Variants in MSANTD2 observed in about 807,000 individuals in gnomAD.
The protein encoded by MSANTD2 is Myb/SANT DNA binding domain containing 2.
In MSANTD2, 19 loss-of-function variants were observed where a neutral mutation model predicts 52.6. The ratio of observed to expected loss-of-function variants is 0.36; its 90% CI spans 0.25 to 0.53. The LOEUF (loss-of-function observed/expected upper bound fraction) is 0.53, where lower values mean the gene tolerates loss of function less well. Among genes scored for constraint, MSANTD2 ranks in the 20% least tolerant of loss-of-function variants. MSANTD2 has a pLI of 0.91. For synonymous variants in MSANTD2, 291 were observed against 289.7 expected (o/e 1.00, Z -0.04); for missense variants, 558 against 716.3 (o/e 0.78, Z 2.52).
intron 3 of MSANTD2, among the ~76,000 whole-genome samples, chr11:124,770,301 T>A (rs556789892): frequency 6.2e-4 from 87 of 139,230 alleles, no homozygotes; most frequent in African/African-American, 2.5e-3. Flanking sequence ...TAACTCTTTT[T>A]TTTTGTTTGT....
intron 1 of MSANTD2, among the ~76,000 whole-genome samples, chr11:124,799,497 TGCCTGGGAGCCCCTCC>T (rs1368418627): frequency 6.6e-6 from 1 of 152,140 alleles, no homozygotes; most frequent in Non-Finnish European, 1.5e-5. Context: ...GGTAAGCCTC[TGCCTGGGAGCCCCTCC>T]GCCTGGAACA....
chr11:124,771,608 A>G (rs1944524571), intron 3 of MSANTD2, among the ~76,000 whole-genome samples: 1 of 152,178 alleles, frequency 6.6e-6, no homozygotes, highest in Non-Finnish European at 1.5e-5. Flanking sequence ...CATCTCTACT[A>G]AAAATACGAA....
At chr11:124,784,291 A>G (rs932091794) in intron 1 of MSANTD2, 14 of 985,196 alleles carry the variant, frequency 1.4e-5, no homozygotes, top group Non-Finnish European at 1.6e-5. Flanking sequence ...ACCTTGGGGG[A>G]CTACATCAAA....
At chr11:124,796,043 A>G (rs1422136806) in intron 1 of MSANTD2, among the ~76,000 whole-genome samples, 1 of 152,238 alleles carries the variant, frequency 6.6e-6, no homozygotes, top group African/African-American at 2.4e-5. Context: ...GCAGCAATAA[A>G]CAAATTTTCA....
At chr11:124,778,078 G>A (rs550659315) in intron 1 of MSANTD2, among the ~76,000 whole-genome samples, 2 of 152,236 alleles carry the variant, frequency 1.3e-5, no homozygotes, top group South Asian at 4.1e-4. Flanking sequence ...ATTAGCCAAA[G>A]CATGGAATTA....
Position 124,800,186 on chromosome 11 carries a change from A to G in MSANTD2, c.195T>C (p.Gly65=), listed in dbSNP as rs975886083. ...AAGSGAAASG[G]LGLGLGGRSA... is the part of the protein sequence containing the mutation. ...TGCGGCCCCCCAGCCCCAGCCCGAG[A>G]CCCCCGGACGCCGCTGCCCCCGAGC... The change falls in exon 1 of 4, where the codon GGT becomes GGC. Residue 65 remains glycine, a synonymous_variant. Transcript: ENST00000374979. The surrounding 1 kb of genome is among the most constrained non-coding windows in gnomAD (Gnocchi z 4.3). 1.4e-6 allele frequency: 2 copies of G among 1,462,610 alleles called. No individual in the cohort carries two copies. Among genetic ancestry groups the G allele is most frequent in the Non-Finnish European group, 1.8e-6 (2 of 1,111,648 alleles). The allele number at this position is 1,462,610 out of a possible 1,614,324, so 90.6% of individuals were successfully genotyped here.
Position 124,800,106 on chromosome 11 carries a change from G to A in MSANTD2, c.275C>T (p.Ala92Val), listed in dbSNP as rs1273920390. ...CCGGCAGGCGGCGGCGGCGGCTGCC[G>A]CAGCCCCGCCACCGCCGCCACCAGG... ...FSPGGGGGGA[A>V]AAAAAACRGM... Residue 92 changes from alanine to valine, a missense_variant, in exon 1 of 4, where the codon GCG (alanine) becomes GTG (valine). Around this residue, in one of 2 missense-constraint regions of MSANTD2, gnomAD observed 150 missense variants for 142.7 expected, o/e 1.05. Transcript: ENST00000374979. The surrounding 1 kb of genome is among the most constrained non-coding windows in gnomAD (Gnocchi z 4.3). 3.4e-6 allele frequency: 5 copies of A among 1,482,208 alleles called. No individual in the cohort carries two copies. The highest frequency in any genetic ancestry group is 4.8e-5 in the Admixed American group (2 of 41,670). The allele number at this position is 1,482,208 out of a possible 1,614,324, so 91.8% of individuals were successfully genotyped here.
intron 1 of MSANTD2, chr11:124,776,202 T>G (rs887028352): frequency 6.6e-6 from 1 of 152,266 alleles, no homozygotes; most frequent in Non-Finnish European, 1.5e-5. Flanking sequence ...ATCCTAAACG[T>G]GAGATTGCTC....
At chr11:124,778,591 C>A (rs7937766) in intron 1 of MSANTD2, among the ~76,000 whole-genome samples, 1 of 151,950 alleles carries the variant, frequency 6.6e-6, no homozygotes, top group Non-Finnish European at 1.5e-5. Flanking sequence ...GATCGGTGGT[C>A]AACCCAGAGG....
chr11:124,794,663 G>C (rs150044582), intron 1 of MSANTD2, among the ~76,000 whole-genome samples: 1 of 152,126 alleles, frequency 6.6e-6, no homozygotes, highest in African/African-American at 2.4e-5. Context: ...AGAGCTTTTT[G>C]CTCCAAGTTA....
At chr11:124,786,911 G>T (rs1414365541) in intron 1 of MSANTD2, among the ~76,000 whole-genome samples, 3 of 152,204 alleles carry the variant, frequency 2.0e-5, no homozygotes, top group Non-Finnish European at 2.9e-5. Context: ...GGTGATATAA[G>T]CAAGTGGTTA....
chr11:124,793,551 A>C (rs910064357), intron 1 of MSANTD2, among the ~76,000 whole-genome samples: 3 of 152,346 alleles, frequency 2.0e-5, no homozygotes, highest in Admixed American at 2.0e-4. Context: ...GTGACTATTT[A>C]AATGTAAATT....
rs1295015294 is a variant in MSANTD2, at chr11:124,768,023, C to T, written c.833G>A (p.Arg278Lys). The T allele has an allele frequency of 1.9e-6, 3 of 1,597,776 alleles. No homozygotes were observed. Among genetic ancestry groups the T allele is most frequent in the Non-Finnish European group, 2.6e-6 (3 of 1,168,958 alleles). Reference protein sequence around the residue: ...KQESSEEAQKRDIMQNIVQIL... With the variant: ...KQESSEEAQKKDIMQNIVQIL... ...CTGTACAATATTCTGCATGATGTCT[C>T]TCTTCCTGGAAAGACAAATAAAAGT... Residue 278 changes from arginine (R) to lysine (K), a missense_variant, in exon 4 of 4, where the codon AGA (arginine) becomes AAA (lysine). Transcript: ENST00000374979.
intron 1 of MSANTD2, among the ~76,000 whole-genome samples, chr11:124,786,152 G>GT (rs1365710482): frequency 7.1e-6 from 1 of 140,748 alleles, no homozygotes; most frequent in Non-Finnish European, 1.5e-5. Context: ...CTGGAGTGCA[G>GT]TGACTATTCA....
intron 1 of MSANTD2, chr11:124,792,834 A>G (rs1263520324): frequency 6.6e-6 from 1 of 152,212 alleles, no homozygotes; most frequent in East Asian, 1.9e-4. Context: ...TGTCAGTTGA[A>G]TCTGATGACA....
intron 1 of MSANTD2, among the ~76,000 whole-genome samples, chr11:124,776,863 G>A (rs1944766480): frequency 6.6e-6 from 1 of 152,178 alleles, no homozygotes; most frequent in Admixed American, 6.5e-5. Flanking sequence ...ATGCCTTAGA[G>A]AACTGAGGTT....
intron 1 of MSANTD2, among the ~76,000 whole-genome samples, chr11:124,782,878 A>C (rs1945028876): frequency 6.6e-6 from 1 of 152,220 alleles, no homozygotes; most frequent in African/African-American, 2.4e-5. Context: ...AAATCAATGA[A>C]TCTTGATGGG....
intron 3 of MSANTD2, among the ~76,000 whole-genome samples, chr11:124,770,782 T>G (rs1168016114): frequency 1.4e-5 from 2 of 138,260 alleles, no homozygotes; most frequent in Non-Finnish European, 1.5e-5. Context: ...ATTTTTTGGT[T>G]TTTTTTTTTT....
chr11:124,788,518 TTACA>T (rs1945238103), intron 1 of MSANTD2, among the ~76,000 whole-genome samples: 1 of 152,222 alleles, frequency 6.6e-6, no homozygotes, highest in Non-Finnish European at 1.5e-5. Context: ...CTTATATTAC[TTACA>T]TAAGGAAAAA....
Sources: gnomAD v4.1 joint callset for allele counts (sites outside exome capture counted in the v4.1 genomes callset) on GRCh38, gnomAD v4.1.1 for gene constraint, gnomAD v4.1.1 regional missense constraint, Gnocchi (gnomAD v3.1) non-coding constraint, MANE v1.5 for transcripts, NCBI Gene and HGNC (gene_info 2026-07-23, HGNC 2026-07-21) for gene names.